Variants in GABRB1 observed in about 807,000 individuals in gnomAD.
GABRB1 encodes gamma-aminobutyric acid receptor subunit beta-1.
GABRB1 carries 17 observed loss-of-function variants against 51.6 expected under a neutral mutation model. That is an observed-to-expected ratio of 0.33 (90% CI 0.23 to 0.49). The LOEUF (loss-of-function observed/expected upper bound fraction) is 0.49, where lower values mean the gene tolerates loss of function less well. GABRB1 is among the 20% of genes least tolerant of loss of function. The pLI is 0.99. For synonymous variants in GABRB1, 247 were observed against 218.9 expected (o/e 1.13, Z -1.14); for missense variants, 410 against 600.6 (o/e 0.68, Z 3.32).
intron 3 of GABRB1, among the ~76,000 whole-genome samples, chr4:47,064,028 C>A (rs1042619043): frequency 6.6e-6 from 1 of 152,044 alleles, no homozygotes; most frequent in African/African-American, 2.4e-5. Flanking sequence ...TGCACACATA[C>A]CCATGTATCC....
At chr4:47,115,980 G>A (rs575903413) in intron 3 of GABRB1, among the ~76,000 whole-genome samples, 5 of 151,908 alleles carry the variant, frequency 3.3e-5, no homozygotes, top group South Asian at 2.1e-4. Context: ...TATCATCTTC[G>A]CCAAGGACAA....
intron 4 of GABRB1, among the ~76,000 whole-genome samples, chr4:47,260,890 T>G (rs1309139770): frequency 6.6e-6 from 1 of 152,156 alleles, no homozygotes; most frequent in Non-Finnish European, 1.5e-5. Flanking sequence ...CAAGACTGGT[T>G]CAATATATGC....
intron 5 of GABRB1, among the ~76,000 whole-genome samples, chr4:47,350,222 G>T (rs868186804): frequency 7.6e-4 from 94 of 123,052 alleles, no homozygotes; most frequent in African/African-American, 2.1e-3. Context: ...TATATATAGA[G>T]AGAGAGAGAG....
At chr4:47,203,714 G>C (rs1353717884) in intron 4 of GABRB1, among the ~76,000 whole-genome samples, 1 of 152,004 alleles carries the variant, frequency 6.6e-6, no homozygotes, top group Non-Finnish European at 1.5e-5. Flanking sequence ...ATGGTCCCAT[G>C]GGCACAACAC....
At chr4:47,279,987 T>C in intron 4 of GABRB1, among the ~76,000 whole-genome samples, 1 of 152,076 alleles carries the variant, frequency 6.6e-6, no homozygotes, top group East Asian at 1.9e-4. Context: ...TCTATTTACA[T>C]TGAAAGTAAC....
Position 47,007,887 on chromosome 4 carries a change from TATATATAA to T in GABRB1, c.-20+13963_-20+13970del, listed in dbSNP as rs1230193331. Among the ~76,000 whole-genome samples the T allele has an allele frequency of 4.2e-4, 10 of 23,952 alleles. 2 individuals are homozygous for T. The South Asian group carries it at 5.0e-3, about 12-fold the overall frequency. The allele number at this position is 23,952 out of a possible 152,430, so 15.7% of individuals were successfully genotyped here. On this transcript the variant is annotated intron_variant, in intron 1 of 3. Transcript: ENST00000513567. ...ACTGGTATATATATATATATATATA[TATATATAA>T]AATCAAGTTTGTATTTTTAAATAGT...
Position 47,007,891 on chromosome 4 carries a change from TATAA to T in GABRB1, c.-20+13967_-20+13970del, listed in dbSNP as rs1206558273. Among the ~76,000 whole-genome samples, 37 of 24,508 alleles carry T rather than the reference TATAA, an allele frequency of 1.5e-3. 1 individual carries two copies. The highest frequency in any genetic ancestry group is 4.8e-3 in the South Asian group (3 of 630). 16.1% of individuals were successfully genotyped at this position (24,508 alleles called of 152,430 possible). A position where few individuals can be genotyped will look rare whatever the true frequency, so the allele number is the denominator to read the frequency against. On this transcript the variant is annotated intron_variant, in intron 1 of 3. Transcript: ENST00000513567. ...GTATATATATATATATATATATATA[TATAA>T]AATCAAGTTTGTATTTTTAAATAGT...
At chr4:47,301,492 G>C (rs1284298588) in intron 4 of GABRB1, among the ~76,000 whole-genome samples, 1 of 151,944 alleles carries the variant, frequency 6.6e-6, no homozygotes, top group Admixed American at 6.6e-5. Flanking sequence ...AATTTAGCCA[G>C]GCATGGTGGT....
chr4:47,349,805 G>C (rs879478073), intron 5 of GABRB1, among the ~76,000 whole-genome samples: 3 of 152,200 alleles, frequency 2.0e-5, no homozygotes, highest in Admixed American at 1.3e-4. Flanking sequence ...TGGAATAGAG[G>C]AAAGAGCATA....
In GABRB1 at chr4:47,104,937, A is replaced by AT. The variant is rs374509175; in HGVS notation, c.241-56305dup. Among the ~76,000 whole-genome samples, 44 of 151,926 alleles carry AT rather than the reference A, an allele frequency of 2.9e-4. 1 individual carries two copies. Among genetic ancestry groups the AT allele is most frequent in the African/African-American group, 9.7e-4 (40 of 41,436 alleles). ...ATCCTATCTATATCTGGTCCTATACATTTTTTTGTCTCTTAACAGCACATT... is the reference window on the plus strand; with the variant it reads ...ATCCTATCTATATCTGGTCCTATACATTTTTTTTGTCTCTTAACAGCACATT... On this transcript the variant is annotated intron_variant, in intron 3 of 8. Coordinates refer to ENST00000295454, the MANE Select transcript of GABRB1 (RefSeq NM_000812.4).
At chr4:47,053,354 G>T (rs1162418376) in intron 3 of GABRB1, among the ~76,000 whole-genome samples, 1 of 152,148 alleles carries the variant, frequency 6.6e-6, no homozygotes, top group South Asian at 2.1e-4. Flanking sequence ...GTCTGGTGAG[G>T]TCTTCTTAGT....
chr4:47,340,224 G>A (rs1435377550), intron 5 of GABRB1, among the ~76,000 whole-genome samples: 2 of 152,036 alleles, frequency 1.3e-5, no homozygotes, highest in South Asian at 2.1e-4. Flanking sequence ...GGAAGGTGTT[G>A]TAATACTCAA....
intron 4 of GABRB1, among the ~76,000 whole-genome samples, chr4:47,181,590 T>C (rs1718951104): frequency 6.6e-6 from 1 of 152,126 alleles, no homozygotes; most frequent in East Asian, 1.9e-4. Flanking sequence ...ACTTTTCTCA[T>C]CCATAAGAGG....
chr4:47,138,206 A>C (rs1225820987), intron 3 of GABRB1, among the ~76,000 whole-genome samples: 1 of 152,068 alleles, frequency 6.6e-6, no homozygotes, highest in Non-Finnish European at 1.5e-5. Context: ...ATTTAGGCTC[A>C]TTGTAGATGT....
intron 5 of GABRB1, among the ~76,000 whole-genome samples, chr4:47,323,905 G>A (rs1444095667): frequency 6.6e-6 from 1 of 152,180 alleles, no homozygotes; most frequent in East Asian, 1.9e-4. Context: ...TATAAAAGGA[G>A]TTAATGGCAT....
chr4:47,070,366 T>C (rs1392015830), intron 3 of GABRB1, among the ~76,000 whole-genome samples: 1 of 142,636 alleles, frequency 7.0e-6, no homozygotes, highest in Non-Finnish European at 1.5e-5. Context: ...GTTTTCACTC[T>C]TTTTGCCCAG....
At chr4:47,299,134 C>T (rs1339892073) in intron 4 of GABRB1, among the ~76,000 whole-genome samples, 1 of 151,970 alleles carries the variant, frequency 6.6e-6, no homozygotes, top group Non-Finnish European at 1.5e-5. Flanking sequence ...ACCATAAAAA[C>T]CCTAGAAGAA....
At chr4:47,239,050 C>A (rs1368481697) in intron 4 of GABRB1, among the ~76,000 whole-genome samples, 2 of 152,022 alleles carry the variant, frequency 1.3e-5, no homozygotes, top group African/African-American at 4.8e-5. Context: ...TTGTTTTGTT[C>A]TTTTATGATG....
chr4:47,222,651 A>G (rs1422845586), intron 4 of GABRB1, among the ~76,000 whole-genome samples: 13 of 152,140 alleles, frequency 8.5e-5, no homozygotes, highest in African/African-American at 2.9e-4. Flanking sequence ...GCATCCACAT[A>G]AGTGATTCTA....
Sources: allele counts gnomAD v4.1 joint callset (sites outside exome capture counted in the v4.1 genomes callset), GRCh38; gene constraint gnomAD v4.1.1; transcripts MANE v1.5; gene names NCBI Gene and HGNC (gene_info 2026-07-23, HGNC 2026-07-21).